The following CNTNAP2 variants were observed in gnomAD, a reference collection of about 807,000 sequenced individuals.
CNTNAP2 encodes contactin associated protein 2.
Under a neutral mutation model 155.2 loss-of-function variants are expected in CNTNAP2, and 98 were observed. The observed-to-expected ratio is 0.63, with a 90% CI of 0.54 to 0.75. The LOEUF (loss-of-function observed/expected upper bound fraction) is 0.75, where lower values mean the gene tolerates loss of function less well. Among genes scored for constraint, CNTNAP2 ranks in the 30% least tolerant of loss-of-function variants. The pLI is 0.00. For synonymous variants in CNTNAP2, 651 were observed against 631.2 expected (o/e 1.03, Z -0.47); for missense variants, 1,727 against 1,688.1 (o/e 1.02, Z -0.40).
chr7:147,944,158 C>T (rs1443253704), intron 14 of CNTNAP2, among the ~76,000 whole-genome samples: 5 of 152,148 alleles, frequency 3.3e-5, no homozygotes, highest in African/African-American at 1.2e-4. Context: ...ATCTAGCCTA[C>T]TGGTGTCTCA....
intron 9 of CNTNAP2, among the ~76,000 whole-genome samples, chr7:147,345,544 T>C (rs1489037794): frequency 1.3e-5 from 2 of 152,224 alleles, no homozygotes; most frequent in Non-Finnish European, 2.9e-5. Context: ...TATTCAATTA[T>C]GTGGCGTGTT....
At chr7:146,621,529 G>T (rs1799316918) in intron 1 of CNTNAP2, among the ~76,000 whole-genome samples, 1 of 152,102 alleles carries the variant, frequency 6.6e-6, no homozygotes, top group African/African-American at 2.4e-5. Context: ...ACAGTTTTGA[G>T]GAGTACTAGT....
chr7:147,623,369 C>CA (rs1026712574), intron 12 of CNTNAP2, among the ~76,000 whole-genome samples: 16 of 151,892 alleles, frequency 1.1e-4, no homozygotes, highest in African/African-American at 3.4e-4. Context: ...AAAGACTCCA[C>CA]AAAAAAACTA....
At chr7:147,301,092 G>T (rs1034201113) in intron 9 of CNTNAP2, among the ~76,000 whole-genome samples, 9 of 152,066 alleles carry the variant, frequency 5.9e-5, no homozygotes, top group Non-Finnish European at 1.3e-4. Flanking sequence ...TTTCACAAGG[G>T]CATGATTATA....
chr7:148,085,168 CTAAT>C (rs776107496), intron 15 of CNTNAP2, among the ~76,000 whole-genome samples: 16 of 152,112 alleles, frequency 1.1e-4, no homozygotes, highest in South Asian at 2.1e-4. Flanking sequence ...ATATGGAAAA[CTAAT>C]TAAAGCTGTT....
intron 3 of CNTNAP2, among the ~76,000 whole-genome samples, chr7:146,931,969 C>T (rs1424669264): frequency 1.3e-5 from 2 of 151,432 alleles, no homozygotes; most frequent in Non-Finnish European, 2.9e-5. Context: ...AAAAAGAGTC[C>T]AGGACCAGAT....
intron 20 of CNTNAP2, among the ~76,000 whole-genome samples, chr7:148,242,639 A>G (rs1170342616): frequency 6.6e-6 from 1 of 152,236 alleles, no homozygotes; most frequent in East Asian, 1.9e-4. Flanking sequence ...TAGAAATGGA[A>G]GCTTGCCGTT....
At chr7:146,347,757 A>C (rs912295259) in intron 1 of CNTNAP2, among the ~76,000 whole-genome samples, 7 of 152,132 alleles carry the variant, frequency 4.6e-5, no homozygotes, top group African/African-American at 1.7e-4. Flanking sequence ...GTAGAGATGG[A>C]GTTTCACCAT....
chr7:147,086,922 T>A (rs1800291118), intron 4 of CNTNAP2, among the ~76,000 whole-genome samples: 1 of 152,210 alleles, frequency 6.6e-6, no homozygotes, highest in African/African-American at 2.4e-5. Flanking sequence ...CAAGTTAAGT[T>A]TTACACCTGT....
chr7:147,178,846 G>A (rs1802401585), intron 8 of CNTNAP2, among the ~76,000 whole-genome samples: 1 of 151,448 alleles, frequency 6.6e-6, no homozygotes, highest in African/African-American at 2.5e-5. Context: ...TAAGGCAGTA[G>A]TTATTATTTT....
chr7:147,519,315 A>G (rs1427116187), intron 11 of CNTNAP2, among the ~76,000 whole-genome samples: 23 of 152,194 alleles, frequency 1.5e-4, no homozygotes, highest in Non-Finnish European at 2.9e-5. Flanking sequence ...TCTTTCTCAC[A>G]TCGCATTGCT....
chr7:146,171,031 T>C (rs1798382402), intron 1 of CNTNAP2, among the ~76,000 whole-genome samples: 2 of 151,828 alleles, frequency 1.3e-5, no homozygotes, highest in South Asian at 4.2e-4. Flanking sequence ...CGTCTAAAAA[T>C]AAATAAATAA....
At chr7:148,398,296 T>A (rs1799512225) in intron 22 of CNTNAP2, among the ~76,000 whole-genome samples, 1 of 152,176 alleles carries the variant, frequency 6.6e-6, no homozygotes. Flanking sequence ...CACATTTTGA[T>A]GAAATAGCAG....
chr7:147,922,227 A>G (rs888961927), intron 14 of CNTNAP2, among the ~76,000 whole-genome samples: 1 of 152,222 alleles, frequency 6.6e-6, no homozygotes, highest in African/African-American at 2.4e-5. Flanking sequence ...AAAAATCACA[A>G]TATAAAACAG....
chr7:147,697,046 C>T (rs923058024), intron 13 of CNTNAP2, among the ~76,000 whole-genome samples: 1 of 152,094 alleles, frequency 6.6e-6, no homozygotes, highest in African/African-American at 2.4e-5. Flanking sequence ...AGTTTGATGT[C>T]TGCAATAGTG....
intron 14 of CNTNAP2, among the ~76,000 whole-genome samples, chr7:147,944,336 G>T (rs148966327): frequency 7.9e-4 from 120 of 152,260 alleles, no homozygotes; most frequent in African/African-American, 2.7e-3. Flanking sequence ...TAAATAGCAT[G>T]GTTACTCCAC....
chr7:146,389,882 G>T (rs1430235242), intron 1 of CNTNAP2, among the ~76,000 whole-genome samples: 1 of 151,536 alleles, frequency 6.6e-6, no homozygotes, highest in East Asian at 1.9e-4. Flanking sequence ...TGTATTTTTA[G>T]TAGAGACAGG....
chr7:146,219,877 C>T (rs1799178615), intron 1 of CNTNAP2, among the ~76,000 whole-genome samples: 1 of 152,138 alleles, frequency 6.6e-6, no homozygotes, highest in Non-Finnish European at 1.5e-5. Flanking sequence ...AAGAACACAA[C>T]TCTAAAGATT....
At chr7:148,123,404 A>C (rs1474221733) in intron 16 of CNTNAP2, among the ~76,000 whole-genome samples, 1 of 152,176 alleles carries the variant, frequency 6.6e-6, no homozygotes. Context: ...CCTGGGCAAC[A>C]TGGTGAAACC....
Sources: gnomAD v4.1 joint callset for allele counts (sites outside exome capture counted in the v4.1 genomes callset) on GRCh38, gnomAD v4.1.1 for gene constraint, MANE v1.5 for transcripts, NCBI Gene and HGNC (gene_info 2026-07-23, HGNC 2026-07-21) for gene names.